OLFM3: variants seen among roughly 807,000 people sequenced by gnomAD.
OLFM3 encodes the protein noelin-3.
OLFM3 carries 20 observed loss-of-function variants against 48.6 expected under a neutral mutation model. That is an observed-to-expected ratio of 0.41 (90% CI 0.29 to 0.60). The LOEUF (loss-of-function observed/expected upper bound fraction) is 0.60. OLFM3 is among the 20% of genes least tolerant of loss of function. OLFM3 has a pLI of 0.28. For synonymous variants in OLFM3, 222 were observed against 198.1 expected (o/e 1.12, Z -1.01); for missense variants, 437 against 544.3 (o/e 0.80, Z 1.96).
intron 3 of OLFM3, among the ~76,000 whole-genome samples, chr1:101,826,437 G>C (rs1045377388): frequency 6.6e-6 from 1 of 152,180 alleles, no homozygotes; most frequent in African/African-American, 2.4e-5. Flanking sequence ...CATAGATGCT[G>C]TCAGAAATTA....
At chr1:101,824,898 C>T (rs1654784079) in intron 4 of OLFM3, 128 bp downstream of exon 4, 1 of 781,218 alleles carries the variant, frequency 1.3e-6, no homozygotes, top group Non-Finnish European at 2.1e-6. Context: ...GGACACTTCA[C>T]ACTTAGAAAA....
chr1:101,945,500 G>A (rs1179537158), intron 1 of OLFM3, among the ~76,000 whole-genome samples: 1 of 152,080 alleles, frequency 6.6e-6, no homozygotes, highest in African/African-American at 2.4e-5. Flanking sequence ...TGTGGGAGGA[G>A]GGTTAGGAAG....
At chr1:101,983,398 C>G (rs926724699) in intron 1 of OLFM3, among the ~76,000 whole-genome samples, 1 of 152,224 alleles carries the variant, frequency 6.6e-6, no homozygotes, top group African/African-American at 2.4e-5. Flanking sequence ...CACATTCTCT[C>G]CTTGTGTCTT....
intron 3 of OLFM3, among the ~76,000 whole-genome samples, chr1:101,826,883 C>T (rs184504080): frequency 8.5e-5 from 13 of 152,310 alleles, no homozygotes; most frequent in Admixed American, 4.6e-4. Flanking sequence ...TTACATTCTA[C>T]TATGGGCATA....
chr1:101,813,602 G>A (rs140854791), intron 4 of OLFM3, among the ~76,000 whole-genome samples: 1 of 152,076 alleles, frequency 6.6e-6, no homozygotes, highest in Non-Finnish European at 1.5e-5. Context: ...TGTTGGCCAG[G>A]GAAGGTCTTA....
chr1:101,878,269 C>T (rs1657380967), intron 1 of OLFM3, among the ~76,000 whole-genome samples: 1 of 151,702 alleles, frequency 6.6e-6, no homozygotes, highest in Non-Finnish European at 1.5e-5. Context: ...TGGTCATATG[C>T]TTCATTTTTG....
intron 1 of OLFM3, among the ~76,000 whole-genome samples, chr1:101,889,834 A>G (rs1173289605): frequency 1.3e-5 from 2 of 152,076 alleles, no homozygotes; most frequent in East Asian, 1.9e-4. Context: ...ATATTTAAAT[A>G]TATTATTTTT....
chr1:101,840,930 C>T (rs1048596480), intron 1 of OLFM3, among the ~76,000 whole-genome samples: 5 of 152,076 alleles, frequency 3.3e-5, no homozygotes, highest in African/African-American at 7.2e-5. Context: ...TTGAACCTTT[C>T]GTGTTAATTG....
intron 1 of OLFM3, among the ~76,000 whole-genome samples, chr1:101,888,914 C>T (rs948767177): frequency 1.3e-5 from 2 of 152,230 alleles, no homozygotes; most frequent in African/African-American, 4.8e-5. Context: ...CTCATCATCA[C>T]TGGCCATCAA....
intron 1 of OLFM3, chr1:101,846,981 G>A: frequency 3.7e-6 from 6 of 1,608,612 alleles, no homozygotes; most frequent in Non-Finnish European, 4.2e-6. Flanking sequence ...CATTGCTGTG[G>A]AGCTAATGAG....
At chr1:101,819,894 C>A (rs1654527481) in intron 4 of OLFM3, among the ~76,000 whole-genome samples, 1 of 151,994 alleles carries the variant, frequency 6.6e-6, no homozygotes, top group Non-Finnish European at 1.5e-5. Flanking sequence ...AGAGTTCTTG[C>A]ATAGATTTGA....
At chr1:101,957,866 T>C (rs1428688046) in intron 1 of OLFM3, among the ~76,000 whole-genome samples, 1 of 152,056 alleles carries the variant, frequency 6.6e-6, no homozygotes, top group Non-Finnish European at 1.5e-5. Flanking sequence ...ACTTTCTTCC[T>C]AAGTGGATTT....
chr1:101,836,519 A>T (rs532266872), intron 2 of OLFM3, among the ~76,000 whole-genome samples: 6 of 152,252 alleles, frequency 3.9e-5, no homozygotes, highest in African/African-American at 1.4e-4. Context: ...TTGTTATGGG[A>T]TTCAAAAGTT....
intron 1 of OLFM3, among the ~76,000 whole-genome samples, chr1:101,996,176 A>G (rs1470709066): frequency 6.6e-6 from 1 of 152,140 alleles, no homozygotes; most frequent in South Asian, 2.1e-4. Flanking sequence ...ATGAAAAGGA[A>G]GAAACAAACA....
At chr1:101,954,466 T>A (rs527417744) in intron 1 of OLFM3, among the ~76,000 whole-genome samples, 1 of 152,176 alleles carries the variant, frequency 6.6e-6, no homozygotes, top group East Asian at 1.9e-4. Flanking sequence ...CATGACACAC[T>A]GTTTCTTGCT....
At chr1:101,928,281 A>G (rs933922740) in intron 1 of OLFM3, among the ~76,000 whole-genome samples, 3 of 152,158 alleles carry the variant, frequency 2.0e-5, no homozygotes, top group Non-Finnish European at 4.4e-5. Flanking sequence ...AAATATAGTC[A>G]TTCAGCGAGA....
At chr1:101,956,864 ACT>A (rs1408718356) in intron 1 of OLFM3, among the ~76,000 whole-genome samples, 1 of 151,850 alleles carries the variant, frequency 6.6e-6, no homozygotes, top group Non-Finnish European at 1.5e-5. Flanking sequence ...GACTGTCTTA[ACT>A]CTGTGTCCAT....
Position 101,973,048 on chromosome 1 carries a change from A to G in OLFM3, c.69+23700T>C, listed in dbSNP as rs113432045. Among the ~76,000 whole-genome samples, 871 of 152,374 alleles carry G rather than the reference A, an allele frequency of 5.7e-3. 5 individuals carry two copies. Among genetic ancestry groups the G allele is most frequent in the African/African-American group, 0.019 (803 of 41,594 alleles). On this transcript the variant is annotated intron_variant, in intron 1 of 5. Transcript: ENST00000370103. ...ATAGGCTGTTTAAATGTTTTAGAAA[A>G]AATAAAAATATAGTGCTATGGGGCT...
At chr1:101,824,580 C>T (rs1218252213) in intron 4 of OLFM3, among the ~76,000 whole-genome samples, 1 of 152,034 alleles carries the variant, frequency 6.6e-6, no homozygotes, top group Non-Finnish European at 1.5e-5. Context: ...TTAATAATTG[C>T]TGTTTGACAT....
Sources: allele counts gnomAD v4.1 joint callset (sites outside exome capture counted in the v4.1 genomes callset), GRCh38; gene constraint gnomAD v4.1.1; transcripts MANE v1.5; gene names NCBI Gene and HGNC (gene_info 2026-07-23, HGNC 2026-07-21).